Variants in NCOA2 observed in about 807,000 individuals in gnomAD.
The protein encoded by NCOA2 is nuclear receptor coactivator 2.
In NCOA2, 21 loss-of-function variants were observed where a neutral mutation model predicts 145.1. The ratio of observed to expected loss-of-function variants is 0.14; its 90% CI spans 0.10 to 0.21. The LOEUF (loss-of-function observed/expected upper bound fraction) is 0.21, where lower values mean the gene tolerates loss of function less well. NCOA2 is among the 10% of genes least tolerant of loss of function. The pLI, the probability that NCOA2 is intolerant of heterozygous loss-of-function variation, is 1.00. For synonymous variants in NCOA2, 619 were observed against 637.5 expected (o/e 0.97, Z 0.44); for missense variants, 1,472 against 1,837.6 (o/e 0.80, Z 3.64).
chr8:70,432,816 A>T, the NCOA2 span, among the ~76,000 whole-genome samples: 1 of 152,172 alleles, frequency 6.6e-6, no homozygotes, highest in Non-Finnish European at 1.5e-5. Flanking sequence ...TATTTCCTAT[A>T]ATAAGTTTAG....
At chr8:70,217,878 A>T (rs1042760353) in intron 2 of NCOA2, among the ~76,000 whole-genome samples, 18 of 152,070 alleles carry the variant, frequency 1.2e-4, no homozygotes, top group African/African-American at 4.3e-4. Context: ...CCTATTCGAT[A>T]CTACTTCCCC....
At chr8:70,368,673 G>A (rs1201842609) in intron 1 of NCOA2, among the ~76,000 whole-genome samples, 1 of 152,040 alleles carries the variant, frequency 6.6e-6, no homozygotes, top group Non-Finnish European at 1.5e-5. Flanking sequence ...ATAACAAACT[G>A]TATTTATATA....
intron 1 of NCOA2, among the ~76,000 whole-genome samples, chr8:70,369,502 T>C (rs1811019687): frequency 6.6e-6 from 1 of 152,236 alleles, no homozygotes; most frequent in Non-Finnish European, 1.5e-5. Context: ...TTCTGATTAG[T>C]GAGGCATGGA....
the NCOA2 span, among the ~76,000 whole-genome samples, chr8:70,418,838 A>G: frequency 6.6e-6 from 1 of 152,224 alleles, no homozygotes; most frequent in Non-Finnish European, 1.5e-5. Context: ...TTCTTTGGTG[A>G]CCAAAAATCT....
chr8:70,110,015 G>T lies in NCOA2; in HGVS notation c.*3617C>A. 1 of 194,192 alleles carries T rather than the reference G, an allele frequency of 5.1e-6. No individual in the cohort carries two copies. Among genetic ancestry groups the T allele is most frequent in the East Asian group, 8.1e-5 (1 of 12,352 alleles). 12.0% of individuals were successfully genotyped at this position (194,192 alleles called of 1,614,324 possible). A position where few individuals can be genotyped will look rare whatever the true frequency, so the allele number is the denominator to read the frequency against. The stretch of plus-strand genomic sequence containing the variant: ...TGATGTTCAGAGTCAACTCCATTTT[G>T]AAAATAAATCACAACCTGAAACACT... On this transcript the variant is annotated 3_prime_UTR_variant, in exon 23 of 23. Transcript: ENST00000452400.
At chr8:70,419,154 A>G in the NCOA2 span, among the ~76,000 whole-genome samples, 6 of 150,364 alleles carry the variant, frequency 4.0e-5, no homozygotes, top group South Asian at 1.0e-3. Flanking sequence ...AAACCCTCCC[A>G]GTGTATTTGG....
chr8:70,159,243 T>TATATATATATATATATATGTATATA (rs869045939), intron 10 of NCOA2, among the ~76,000 whole-genome samples: 3 of 82,070 alleles, frequency 3.7e-5, no homozygotes, highest in East Asian at 3.9e-4. Flanking sequence ...TATATATATA[T>TATATATATATATATATATGTATATA]TTTTTTTTTT....
In NCOA2 at chr8:70,128,916, G is replaced by A. The variant is rs375519556; in HGVS notation, c.3389C>T (p.Ala1130Val). The change falls in exon 17 of 23, where the codon GCG becomes GTG. Residue 1130 changes from alanine to valine, a missense_variant. This residue lies in a region of NCOA2 where 953 missense variants were observed against 1,062.1 expected (regional missense o/e 0.90). Coordinates refer to ENST00000452400, the MANE Select transcript of NCOA2 (RefSeq NM_006540.4). The stretch of plus-strand genomic sequence containing the variant: ...TGCATACTGCTGTGGGAAAACGGGC[G>A]CCTTCTGCTCCAGCATGATGTTGGA... ...QDSNIMLEQK[A>V]PVFPQQYASQ... 6.1e-5 allele frequency: 98 copies of A among 1,612,292 alleles called. No homozygotes were observed. Among genetic ancestry groups the A allele is most frequent in the Non-Finnish European group, 7.5e-5 (88 of 1,179,168 alleles).
the NCOA2 span, among the ~76,000 whole-genome samples, chr8:70,444,464 C>T: frequency 2.0e-5 from 3 of 152,076 alleles, no homozygotes; most frequent in Admixed American, 6.5e-5. Flanking sequence ...GTGAAAATAT[C>T]GCATAGAACT....
At chr8:70,436,282 CTAAAATTT>C in the NCOA2 span, among the ~76,000 whole-genome samples, 1 of 152,146 alleles carries the variant, frequency 6.6e-6, no homozygotes, top group Non-Finnish European at 1.5e-5. Flanking sequence ...GACTGTTCAA[CTAAAATTT>C]TAAAATTTTT....
the NCOA2 span, among the ~76,000 whole-genome samples, chr8:70,434,986 A>G: frequency 5.9e-5 from 9 of 152,216 alleles, no homozygotes; most frequent in African/African-American, 2.2e-4. Context: ...ATTTTTCTTA[A>G]CCAATCTCTC....
chr8:70,404,855 T>C (rs146539176), upstream of NCOA2, among the ~76,000 whole-genome samples: 251 of 152,240 alleles, frequency 1.6e-3, 3 homozygotes, highest in South Asian at 0.014. Context: ...AAGTTTTTTT[T>C]CCAACTTATA....
At chr8:70,432,017 C>T in the NCOA2 span, among the ~76,000 whole-genome samples, 5 of 152,306 alleles carry the variant, frequency 3.3e-5, no homozygotes, top group South Asian at 2.1e-4. Flanking sequence ...AAAATCAGAG[C>T]GTGCTCTCAA....
chr8:70,196,044 G>C (rs984405093), intron 4 of NCOA2, among the ~76,000 whole-genome samples: 1 of 152,202 alleles, frequency 6.6e-6, no homozygotes, highest in African/African-American at 2.4e-5. Flanking sequence ...AGTGTTCATG[G>C]CCATGAGGAA....
chr8:70,176,357 G>C (rs1814850582), intron 4 of NCOA2, among the ~76,000 whole-genome samples: 1 of 152,066 alleles, frequency 6.6e-6, no homozygotes, highest in Non-Finnish European at 1.5e-5. Flanking sequence ...GACTTGTCTG[G>C]TAGCCTTCAT....
At chr8:70,124,492 C>G (rs1478350134) in intron 20 of NCOA2, among the ~76,000 whole-genome samples, 196 bp downstream of exon 20, 1 of 151,952 alleles carries the variant, frequency 6.6e-6, no homozygotes, top group Non-Finnish European at 1.5e-5. Context: ...TTTGGAGGAA[C>G]AAGAACATCC....
At chr8:70,338,922 A>T (rs1042707654) in intron 1 of NCOA2, among the ~76,000 whole-genome samples, 8 of 152,138 alleles carry the variant, frequency 5.3e-5, no homozygotes, top group Non-Finnish European at 1.0e-4. Flanking sequence ...AAAAATCTCA[A>T]TAAACTAGGT....
intron 1 of NCOA2, among the ~76,000 whole-genome samples, chr8:70,372,075 G>C (rs1811276990): frequency 6.6e-6 from 1 of 152,146 alleles, no homozygotes; most frequent in South Asian, 2.1e-4. Flanking sequence ...GCAAGGAAAA[G>C]TGGAAAAGTT....
chr8:70,191,763 AG>A (rs1816710386), intron 4 of NCOA2, among the ~76,000 whole-genome samples: 1 of 152,196 alleles, frequency 6.6e-6, no homozygotes, highest in Non-Finnish European at 1.5e-5. Flanking sequence ...TGAAAAGGCC[AG>A]GGACGGTGGC....
Sources: gnomAD v4.1 joint callset for allele counts (sites outside exome capture counted in the v4.1 genomes callset) on GRCh38, gnomAD v4.1.1 for gene constraint, gnomAD v4.1.1 regional missense constraint, MANE v1.5 for transcripts, NCBI Gene and HGNC (gene_info 2026-07-23, HGNC 2026-07-21) for gene names.